The following NLRP1 variants were observed in gnomAD, a reference collection of about 807,000 sequenced individuals.
NLRP1 encodes the protein NLR family pyrin domain containing 1, also known as NACHT, LRR and PYD domains-containing protein 1.
A neutral mutation model predicts 136.7 loss-of-function variants in NLRP1; 94 were observed. That is an observed-to-expected ratio of 0.69 (90% CI 0.58 to 0.82). The LOEUF is 0.82. Among genes scored for constraint, NLRP1 ranks in the 40% least tolerant of loss-of-function variants. The probability of loss-of-function intolerance (pLI) is 0.00; values close to 1 mark genes in which losing one functional copy is unlikely to be tolerated. For synonymous variants in NLRP1, 690 were observed against 725.1 expected (o/e 0.95, Z 0.78); for missense variants, 1,575 against 1,802.7 (o/e 0.87, Z 2.29).
At chr17:5,511,996 G>T, downstream of NLRP1, 1 of 531,192 alleles carries the variant, frequency 1.9e-6, no homozygotes, top group Non-Finnish European at 3.5e-6. Flanking sequence ...GCCTGGTTTA[G>T]AAAGTAACAA....
In NLRP1 at chr17:5,559,779, T is replaced by C; in HGVS notation, c.917A>G (p.Glu306Gly). 1 of 1,614,270 alleles carries C rather than the reference T, an allele frequency of 6.2e-7. No homozygotes were observed. ...VKRSWPDYVE[E>G]NRGHLIEIRD... is the part of the protein sequence containing the mutation. ...GATCTCAATTAAATGTCCTCGATTC[T>C]CCTCCACATAATCAGGCCAGCTTCT... Residue 306 changes from glutamate (E) to glycine (G), a missense_variant, in exon 4 of 17, where the codon GAG (glutamate) becomes GGG (glycine). Coordinates refer to ENST00000572272, the MANE Select transcript of NLRP1 (RefSeq NM_033004.4).
At chr17:5,529,836 G>C in intron 12 of NLRP1, 1 of 358,114 alleles carries the variant, frequency 2.8e-6, no homozygotes, top group South Asian at 2.1e-5. Context: ...AGGATTTAAG[G>C]GACTGATTCT....
chr17:5,579,484 T>C (rs1905355175), intron 3 of NLRP1, among the ~76,000 whole-genome samples: 1 of 152,206 alleles, frequency 6.6e-6, no homozygotes, highest in African/African-American at 2.4e-5. Context: ...ACTTATACAC[T>C]GCTGGTAAGA....
intron 4 of NLRP1, among the ~76,000 whole-genome samples, chr17:5,556,731 C>A (rs1567658515): frequency 6.6e-6 from 1 of 151,706 alleles, no homozygotes; most frequent in Non-Finnish European, 1.5e-5. Context: ...TCAAGTGATT[C>A]TCCTGCCTCA....
intron 6 of NLRP1, among the ~76,000 whole-genome samples, chr17:5,540,098 C>T (rs1029147429): frequency 2.6e-5 from 4 of 152,152 alleles, no homozygotes; most frequent in East Asian, 1.9e-4. Flanking sequence ...GGTCTCAGGA[C>T]GCACTGGGGG....
rs1567656216 is a variant in NLRP1 at position 5,553,871 on chromosome 17, T to TA, written c.2358-316_2358-315insT. 2.9e-5 allele frequency among the ~76,000 whole-genome samples: 4 copies of TA among 137,290 alleles called. No homozygotes were observed. In the East Asian group the frequency reaches 6.8e-4, roughly 23 times the overall value. The allele number at this position is 137,290 out of a possible 152,430, so 90.1% of individuals were successfully genotyped here. A position where few individuals can be genotyped will look rare whatever the true frequency, so the allele number is the denominator to read the frequency against. On this transcript the variant is annotated intron_variant, in intron 4 of 16. Coordinates refer to ENST00000572272, the MANE Select transcript of NLRP1 (RefSeq NM_033004.4). The stretch of plus-strand genomic sequence containing the variant: ...GACATTTGTCTTTTTTTTTTTTTTT[T>TA]TAAATCTGCACTGCTCAGCATAGGG...
chr17:5,538,376 TCTTTGTTCTGGGC>T (rs1911381433), intron 7 of NLRP1, among the ~76,000 whole-genome samples: 1 of 152,044 alleles, frequency 6.6e-6, no homozygotes, highest in South Asian at 2.1e-4. Context: ...CTCAAGTGCC[TCTTTGTTCTGGGC>T]CTTTCCCCAC....
intron 5 of NLRP1, among the ~76,000 whole-genome samples, chr17:5,552,526 C>T (rs188269737): frequency 6.6e-6 from 1 of 152,298 alleles, no homozygotes; most frequent in Admixed American, 6.5e-5. Context: ...TTCCACCCCC[C>T]AATCACTTTT....
At position 5,504,922 on chromosome 17, in the gene NLRP1, TTGGTGGTGG is replaced by T. The variant is rs958466383; in HGVS notation, c.4070-3059_4070-3051del. ...TCATGCCCAGCTGAGGAAACAGGCT[TTGGTGGTGG>T]TGGTGGTGGTGGGGTGTATGTGTCA... On this transcript the variant is annotated intron_variant, in intron 15 of 15. Transcript: ENST00000262467. The surrounding 1 kb of genome is among the most constrained non-coding windows in gnomAD (Gnocchi z 4.4). 6.5e-6 allele frequency: 1 copy of T among 153,324 alleles called. No homozygotes were observed. Among genetic ancestry groups the T allele is most frequent in the African/African-American group, 2.4e-5 (1 of 41,398 alleles). The allele number at this position is 153,324 out of a possible 1,614,324, so 9.5% of individuals were successfully genotyped here. A position where few individuals can be genotyped will look rare whatever the true frequency, so the allele number is the denominator to read the frequency against.
chr17:5,524,022 G>T (rs1193838075), intron 12 of NLRP1, among the ~76,000 whole-genome samples: 1 of 152,162 alleles, frequency 6.6e-6, no homozygotes, highest in East Asian at 1.9e-4. Flanking sequence ...CTCCTGGGTT[G>T]AAGTGATTCT....
Position 5,520,905 on chromosome 17 carries a change from T to G in NLRP1, c.3891A>C (p.Ser1297=). 6.2e-7 allele frequency: 1 copy of G among 1,608,486 alleles called. No homozygotes were observed. The highest frequency in any genetic ancestry group is 1.1e-5 in the South Asian group (1 of 90,100). The change falls in exon 14 of 17, where the codon TCA becomes TCC. Residue 1297 remains serine, a synonymous_variant. Transcript: ENST00000572272. ...GCRYTVSGSG[S]GMLEILPKEL... Reference sequence around the variant, plus strand: ...CCTTGGGGAGTATTTCCAGCATCCCTGAACCAGACCCAGACACAGTGTAAC... The same window carrying G: ...CCTTGGGGAGTATTTCCAGCATCCCGGAACCAGACCCAGACACAGTGTAAC...
At chr17:5,512,656 G>A, downstream of NLRP1, 1 of 346,274 alleles carries the variant, frequency 2.9e-6, no homozygotes, top group South Asian at 4.0e-5. Flanking sequence ...GTCACACAGA[G>A]CCCTGAGCTC....
At chr17:5,564,442 G>T (rs576674779) in intron 3 of NLRP1, among the ~76,000 whole-genome samples, 1 of 152,140 alleles carries the variant, frequency 6.6e-6, no homozygotes, top group African/African-American at 2.4e-5. Flanking sequence ...AAATAAGTGA[G>T]AACATGTGAT....
chr17:5,515,401 C>A, intron 16 of NLRP1, 72 bp downstream of exon 16: 1 of 1,288,960 alleles, frequency 7.8e-7, no homozygotes, highest in East Asian at 2.3e-5. Flanking sequence ...TTTCTCTCTT[C>A]CCTTCCCCCA....
intron 4 of NLRP1, among the ~76,000 whole-genome samples, chr17:5,556,098 G>A (rs895257979): frequency 7.6e-5 from 10 of 130,752 alleles, no homozygotes; most frequent in African/African-American, 3.0e-4. Context: ...GTCTGTCTCT[G>A]TCTCTGTCTC....
chr17:5,510,959 G>C (rs1250100561), downstream of NLRP1, among the ~76,000 whole-genome samples: 8 of 152,232 alleles, frequency 5.3e-5, no homozygotes, highest in East Asian at 1.5e-3. Context: ...AGCTCGCCCA[G>C]AACAACTTCC....
intron 4 of NLRP1, among the ~76,000 whole-genome samples, chr17:5,556,111 TCTCTACACACACAC>T (rs1914030267): frequency 7.6e-6 from 1 of 131,438 alleles, no homozygotes; most frequent in Non-Finnish European, 1.6e-5. Flanking sequence ...TCTGTCTCTC[TCTCTACACACACAC>T]ACACACACAC....
chr17:5,527,650 C>T (rs903163361), intron 12 of NLRP1, among the ~76,000 whole-genome samples: 8 of 152,312 alleles, frequency 5.3e-5, no homozygotes, highest in Non-Finnish European at 7.4e-5. Context: ...TTAATATATA[C>T]GGAACTACCT....
In NLRP1 at chr17:5,581,962, C is replaced by T. The variant is rs1277527055; in HGVS notation, c.549G>A (p.Leu183=). 2 of 1,613,870 alleles carry T rather than the reference C, an allele frequency of 1.2e-6. No individual in the cohort carries two copies. Among genetic ancestry groups the T allele is most frequent in the Non-Finnish European group, 1.7e-6 (2 of 1,179,904 alleles). ...GCTGAGGTGGGGATCCCCAGCTCCCCAGCACTGCTGTGGATGTGGGGGCGT... is the reference window on the plus strand; with the variant it reads ...GCTGAGGTGGGGATCCCCAGCTCCCTAGCACTGCTGTGGATGTGGGGGCGT... The part of the protein sequence containing the change: ...SPNAPTSTAV[L]GSWGSPPQPS... The change falls in exon 3 of 17, where the codon CTG becomes CTA. Residue 183 remains leucine, a synonymous_variant. Transcript: ENST00000572272.
Sources: gnomAD v4.1 joint callset for allele counts (sites outside exome capture counted in the v4.1 genomes callset) on GRCh38, gnomAD v4.1.1 for gene constraint, Gnocchi (gnomAD v3.1) non-coding constraint, MANE v1.5 for transcripts, NCBI Gene and HGNC (gene_info 2026-07-23, HGNC 2026-07-21) for gene names.